Variants in IFT56 observed in about 807,000 individuals in gnomAD.
IFT56 encodes intraflagellar transport 56.
the IFT56 span, among the ~76,000 whole-genome samples, chr7:139,158,313 C>CAAAAAAAAAAAAAAAAAAAAA: frequency 1.7e-5 from 2 of 115,358 alleles, no homozygotes; most frequent in East Asian, 3.0e-4. Context: ...GACGCCATCT[C>CAAAAAAAAAAAAAAAAAAAAA]AAAAAAAAAA....
the IFT56 span, chr7:139,189,712 G>T: frequency 4.5e-6 from 1 of 220,156 alleles, no homozygotes. Flanking sequence ...GCAATTTACT[G>T]ACTTTAAGGA....
At chr7:139,188,287 G>A in the IFT56 span, among the ~76,000 whole-genome samples, 1 of 151,576 alleles carries the variant, frequency 6.6e-6, no homozygotes. Context: ...TTTTAGTAGG[G>A]GCAGGGTTTC....
the IFT56 span, among the ~76,000 whole-genome samples, chr7:139,140,219 CAGA>C: frequency 6.6e-5 from 10 of 152,228 alleles, no homozygotes; most frequent in South Asian, 2.1e-3. Flanking sequence ...AGCCAAAAAG[CAGA>C]AGGACAAAAG....
the IFT56 span, among the ~76,000 whole-genome samples, chr7:139,136,711 C>T: frequency 1.3e-5 from 2 of 152,186 alleles, no homozygotes; most frequent in Non-Finnish European, 2.9e-5. Flanking sequence ...TCAAGGGATC[C>T]TCCTGCTTCT....
the IFT56 span, chr7:139,147,259 G>T: frequency 1.2e-6 from 2 of 1,613,078 alleles, no homozygotes; most frequent in Non-Finnish European, 1.7e-6. Context: ...AGAAGCTATA[G>T]ATATATATAA....
chr7:139,164,983 T>C, the IFT56 span: 2 of 496,922 alleles, frequency 4.0e-6, no homozygotes, highest in South Asian at 7.4e-5. Flanking sequence ...ATTCAGCCAA[T>C]AGTAAAAGTT....
the IFT56 span, chr7:139,181,201 G>A: frequency 6.3e-7 from 1 of 1,592,390 alleles, no homozygotes; most frequent in Admixed American, 1.7e-5. Flanking sequence ...GCTACAAGGT[G>A]AGTCTGACTG....
chr7:139,161,251 C>T, the IFT56 span: 4 of 435,782 alleles, frequency 9.2e-6, no homozygotes, highest in Non-Finnish European at 1.6e-5. Context: ...AAGCACAAGG[C>T]AGTGTAGATC....
At chr7:139,135,823 C>T in the IFT56 span, among the ~76,000 whole-genome samples, 1 of 152,156 alleles carries the variant, frequency 6.6e-6, no homozygotes. Flanking sequence ...TCTTAAAATG[C>T]TACTCTGTCC....
the IFT56 span, among the ~76,000 whole-genome samples, chr7:139,175,740 T>G: frequency 6.6e-6 from 1 of 151,574 alleles, no homozygotes; most frequent in Non-Finnish European, 1.5e-5. Flanking sequence ...TAGCAGAGCC[T>G]GGGAAGGGTA....
chr7:139,180,141 T>C, the IFT56 span, among the ~76,000 whole-genome samples: 1 of 149,720 alleles, frequency 6.7e-6, no homozygotes, highest in East Asian at 2.0e-4. Flanking sequence ...ATCGAGACCA[T>C]CCTGGCTAGC....
chr7:139,158,034 C>T, the IFT56 span, among the ~76,000 whole-genome samples: 2 of 152,078 alleles, frequency 1.3e-5, no homozygotes, highest in African/African-American at 4.8e-5. Flanking sequence ...ACCTACCCGG[C>T]CAGGCACAGT....
At chr7:139,146,349 AAT>A in the IFT56 span, among the ~76,000 whole-genome samples, 11 of 152,248 alleles carry the variant, frequency 7.2e-5, no homozygotes, top group Admixed American at 6.5e-4. Context: ...AAACAACAAC[AAT>A]ATATAGTAAC....
the IFT56 span, among the ~76,000 whole-genome samples, chr7:139,187,088 G>T: frequency 8.2e-6 from 1 of 121,898 alleles, no homozygotes; most frequent in East Asian, 2.5e-4. Flanking sequence ...GCGACAGAGC[G>T]AGACTCCGTC....
chr7:139,189,166 G>A, the IFT56 span, among the ~76,000 whole-genome samples: 3 of 152,180 alleles, frequency 2.0e-5, no homozygotes, highest in Non-Finnish European at 4.4e-5. Context: ...ATAAGGCTAG[G>A]CAGTTTGTAA....
At chr7:139,170,499 C>T in the IFT56 span, among the ~76,000 whole-genome samples, 1 of 152,146 alleles carries the variant, frequency 6.6e-6, no homozygotes, top group African/African-American at 2.4e-5. Flanking sequence ...TTAAAAAGAT[C>T]ATTCATCATG....
chr7:139,140,453 C>T, the IFT56 span, among the ~76,000 whole-genome samples: 23 of 121,226 alleles, frequency 1.9e-4, no homozygotes, highest in Non-Finnish European at 1.9e-4. Context: ...CGATTGTACT[C>T]AAATTTAAGA....
At chr7:139,178,199 TCCC>T in the IFT56 span, 12 of 1,601,868 alleles carry the variant, frequency 7.5e-6, no homozygotes, top group Non-Finnish European at 1.0e-5. Context: ...GGGGTTTTTT[TCCC>T]CTCCGTTTCA....
the IFT56 span, chr7:139,147,361 T>A: frequency 3.6e-3 from 4,653 of 1,308,448 alleles, 122 homozygotes; most frequent in African/African-American, 0.058. Flanking sequence ...AGTTTGAGAA[T>A]CTAGTGTCCT....
Sources: gnomAD v4.1 joint callset for allele counts (sites outside exome capture counted in the v4.1 genomes callset) on GRCh38, gnomAD v4.1.1 for gene constraint, MANE v1.5 for transcripts, NCBI Gene and HGNC (gene_info 2026-07-23, HGNC 2026-07-21) for gene names.